EDN2: variants seen among roughly 807,000 people sequenced by gnomAD.
The protein encoded by EDN2 is endothelin-2.
In EDN2, 10 loss-of-function variants were observed where a neutral mutation model predicts 19.9. The ratio of observed to expected loss-of-function variants is 0.50; its 90% confidence interval spans 0.31 to 0.85. The LOEUF (loss-of-function observed/expected upper bound fraction) is 0.85, where lower values mean the gene tolerates loss of function less well. Among genes scored for constraint, EDN2 ranks in the 40% least tolerant of loss-of-function variants. The probability of loss-of-function intolerance (pLI) is 0.05; values close to 1 mark genes in which losing one functional copy is unlikely to be tolerated. For missense variants in EDN2, 222 were observed against 239.3 expected (o/e 0.93, Z 0.48); for synonymous variants, 84 against 94.9 (o/e 0.89, Z 0.67).
chr1:41,482,441 C>G, intron 3 of EDN2, 25 bp downstream of exon 3: 1 of 1,591,174 alleles, frequency 6.3e-7, no homozygotes, highest in Non-Finnish European at 8.5e-7. Flanking sequence ...TACCCTATGC[C>G]CCTGCAGGCT....
At chr1:41,480,365 A>C (rs1414950203) in intron 4 of EDN2, among the ~76,000 whole-genome samples, 1 of 152,160 alleles carries the variant, frequency 6.6e-6, no homozygotes, top group Non-Finnish European at 1.5e-5. Flanking sequence ...GGGAATGGCA[A>C]ACCCCTCCAC....
In EDN2 at chr1:41,479,445, C is replaced by G. The variant is rs529389676; in HGVS notation, c.501G>C (p.Glu167Asp). The G allele has an allele frequency of 7.4e-6, 12 of 1,614,166 alleles. 1 individual carries two copies. In the South Asian group the frequency reaches 1.3e-4, roughly 18 times the overall value. The part of the protein sequence containing the change: ...FAKRQQEAMR[E>D]PRSTHSRWRK... ...TCCACCTGGAATGTGTGGACCGAGG[C>G]TCCCGCATGGCCTCCTGTTGTCGCT... The change falls in exon 5 of 5, where the codon GAG becomes GAC. Residue 167 changes from glutamate to aspartate, a missense_variant. By Grantham distance (45) the Glu-to-Asp change is conservative (BLOSUM62 2). Transcript: ENST00000372587.
At chr1:41,481,490 G>A (rs182310438) in intron 3 of EDN2, among the ~76,000 whole-genome samples, 5 of 152,100 alleles carry the variant, frequency 3.3e-5, no homozygotes, top group Admixed American at 1.3e-4. Context: ...GCCTCAGCTT[G>A]AGACCCAGAG....
intron 4 of EDN2, chr1:41,480,616 C>A: frequency 2.3e-6 from 1 of 426,462 alleles, no homozygotes; most frequent in Non-Finnish European, 4.8e-6. Context: ...CACTCTGCTG[C>A]CCGGCAGGTG....
chr1:41,479,467 C>G lies in EDN2; in HGVS notation c.479G>C (p.Arg160Pro). 1.2e-6 allele frequency: 2 copies of G among 1,614,206 alleles called. No individual in the cohort carries two copies. The highest frequency in any genetic ancestry group is 2.7e-5 in the African/African-American group (2 of 75,042). Reference sequence around the variant, plus strand: ...AGGCTCCCGCATGGCCTCCTGTTGTCGCTTGGCAAAGAGGCTCTTGACTGT... The same window carrying G: ...AGGCTCCCGCATGGCCTCCTGTTGTGGCTTGGCAAAGAGGCTCTTGACTGT... ...ISTVKSLFAKRQQEAMREPRS... is the reference protein window; with the variant it reads ...ISTVKSLFAKPQQEAMREPRS... Residue 160 changes from arginine to proline, a missense_variant, in exon 5 of 5, where the codon CGA becomes CCA. Transcript: ENST00000372587.
At chr1:41,480,444 C>T (rs762648801) in intron 4 of EDN2, among the ~76,000 whole-genome samples, 1 of 152,202 alleles carries the variant, frequency 6.6e-6, no homozygotes, top group Non-Finnish European at 1.5e-5. Flanking sequence ...TCACAGCAAC[C>T]CCAGGCGGGG....
Position 41,481,088 on chromosome 1 carries a change from C to T in EDN2, c.443+7G>A. ...GCTCAGTCTGTGCATGTGTCCCACGCCCTCACCTCAGCCTTTGGAGAAGCT... is the reference window on the plus strand; with the variant it reads ...GCTCAGTCTGTGCATGTGTCCCACGTCCTCACCTCAGCCTTTGGAGAAGCT... On this transcript the variant is annotated splice_region_variant and intron_variant, in intron 4 of 4. Transcript: ENST00000372587. 1 of 1,611,276 alleles carries T rather than the reference C, an allele frequency of 6.2e-7. No individual in the cohort carries two copies. Among genetic ancestry groups the T allele is most frequent in the Non-Finnish European group, 8.5e-7 (1 of 1,177,514 alleles).
Position 41,478,945 on chromosome 1 carries a change from T to C in EDN2, c.*464A>G, listed in dbSNP as rs952124445. ...TGGGAGGGTCCCGAGGGAATGAGGG[T>C]GCAAGAACTCTGGGGAGGGAAAGCT... On this transcript the variant is annotated 3_prime_UTR_variant, in exon 5 of 5. Transcript: ENST00000372587. The C allele has an allele frequency of 3.3e-6, 1 of 301,190 alleles. No individual in the cohort carries two copies. Among genetic ancestry groups the C allele is most frequent in the Non-Finnish European group, 6.6e-6 (1 of 151,620 alleles). The allele number at this position is 301,190 out of a possible 1,614,324, so 18.7% of individuals were successfully genotyped here.
intron 3 of EDN2, among the ~76,000 whole-genome samples, chr1:41,482,196 C>T (rs1212588293): frequency 3.9e-5 from 6 of 152,218 alleles, no homozygotes; most frequent in Non-Finnish European, 5.9e-5. Context: ...GCTGCCTCAG[C>T]TGTCACTGGC....
Position 41,481,200 on chromosome 1 carries a change from G to A in EDN2, c.345-7C>T. The A allele has an allele frequency of 6.2e-7, 1 of 1,612,860 alleles. No homozygotes were observed. ...GACTGCCCCGGCTTCAGTCCTACGTGAATAGCATTAGGGCCCAAGTGATGG... is the reference window on the plus strand; with the variant it reads ...GACTGCCCCGGCTTCAGTCCTACGTAAATAGCATTAGGGCCCAAGTGATGG... On this transcript the variant is annotated splice_polypyrimidine_tract_variant and splice_region_variant and intron_variant, in intron 3 of 4. Transcript: ENST00000372587.
Position 41,484,177 on chromosome 1 carries a change from C to T in EDN2, c.91G>A (p.Glu31Lys). ...GCATGAGATGAGGACGCTGGCTGCT[C>T]CAGGGTGGCAGCAGCCTGGCCCTTC... The part of the protein sequence containing the change: ...EGKGQAAATL[E>K]QPASSSHAQG... The change falls in exon 2 of 5, where the codon GAG becomes AAG. Residue 31 changes from glutamate to lysine, a missense_variant. Transcript: ENST00000372587. 1 of 1,612,628 alleles carries T rather than the reference C, an allele frequency of 6.2e-7. No individual in the cohort carries two copies. The highest frequency in any genetic ancestry group is 8.5e-7 in the Non-Finnish European group (1 of 1,179,970).
At chr1:41,481,234 G>A in intron 3 of EDN2, 41 bp from the exon 4 acceptor site, 1 of 1,569,310 alleles carries the variant, frequency 6.4e-7, no homozygotes, top group Non-Finnish European at 8.7e-7. Flanking sequence ...GGACTGCCCA[G>A]GGCCCTGAAG....
chr1:41,481,293 C>T, intron 3 of EDN2, 100 bp from the exon 4 acceptor site: 2 of 906,932 alleles, frequency 2.2e-6, no homozygotes, highest in South Asian at 1.6e-5. Context: ...CCCATCCCCA[C>T]CTGCCTGCGG....
chr1:41,483,995 C>A, intron 2 of EDN2, 52 bp downstream of exon 2: 1 of 1,532,066 alleles, frequency 6.5e-7, no homozygotes, highest in Non-Finnish European at 8.8e-7. Context: ...AGCTTCCACC[C>A]TGACACCCTG....
At chr1:41,481,449 C>A (rs1199086742) in intron 3 of EDN2, among the ~76,000 whole-genome samples, 1 of 152,174 alleles carries the variant, frequency 6.6e-6, no homozygotes, top group Non-Finnish European at 1.5e-5. Flanking sequence ...TGGCCACCTG[C>A]AGCTGCAGGG....
chr1:41,484,444 C>G (rs1349536659), intron 1 of EDN2, 94 bp downstream of exon 1: 4 of 1,485,286 alleles, frequency 2.7e-6, no homozygotes, highest in African/African-American at 1.4e-5. Context: ...CCTGTCTGCC[C>G]CCAGCTGGCT....
intron 3 of EDN2, among the ~76,000 whole-genome samples, chr1:41,481,584 G>A (rs1383806564): frequency 1.3e-5 from 2 of 150,128 alleles, no homozygotes; most frequent in African/African-American, 4.9e-5. Flanking sequence ...TTGTTGCCCA[G>A]GCGGGAGTGC....
chr1:41,482,136 T>C (rs1016915280), intron 3 of EDN2, among the ~76,000 whole-genome samples: 2 of 152,242 alleles, frequency 1.3e-5, no homozygotes, highest in Non-Finnish European at 2.9e-5. Context: ...CTGGCCCTCC[T>C]TCTGACAAGC....
At position 41,479,361 on chromosome 1, in the gene EDN2, C is replaced by G; in HGVS notation, c.*48G>C. 2 of 1,509,376 alleles carry G rather than the reference C, an allele frequency of 1.3e-6. No individual in the cohort carries two copies. Among genetic ancestry groups the G allele is most frequent in the Non-Finnish European group, 1.8e-6 (2 of 1,085,778 alleles). 93.5% of individuals were successfully genotyped at this position (1,509,376 alleles called of 1,614,324 possible). On this transcript the variant is annotated 3_prime_UTR_variant, in exon 5 of 5. Transcript: ENST00000372587. ...CACAAGCCCTGGCCACTTCTCTCCTCCTCTCTCCCCGCGGGCTTCCTTCCC... is the reference window on the plus strand; with the variant it reads ...CACAAGCCCTGGCCACTTCTCTCCTGCTCTCTCCCCGCGGGCTTCCTTCCC...
Sources: gnomAD v4.1 joint callset for allele counts (sites outside exome capture counted in the v4.1 genomes callset) on GRCh38, gnomAD v4.1.1 for gene constraint, MANE v1.5 for transcripts, NCBI Gene and HGNC (gene_info 2026-07-23, HGNC 2026-07-21) for gene names.